The following TP53RK variants were observed in gnomAD, a reference collection of about 807,000 sequenced individuals.
The protein encoded by TP53RK is TP53 regulating kinase, also known as EKC/KEOPS complex subunit TP53RK.
A neutral mutation model predicts 14.9 loss-of-function variants in TP53RK; 17 were observed. The ratio of observed to expected loss-of-function variants is 1.14; its 90% confidence interval spans 0.78 to 1.71. The LOEUF (loss-of-function observed/expected upper bound fraction) is 1.71. Among genes scored for constraint, TP53RK ranks in the 40% most tolerant of loss-of-function variants. The pLI is 0.00. For synonymous variants in TP53RK, 131 were observed against 138.0 expected (o/e 0.95, Z 0.36); for missense variants, 343 against 332.0 (o/e 1.03, Z -0.26).
In TP53RK at chr20:46,689,221, T is replaced by A. The variant is rs748123388; in HGVS notation, c.194A>T (p.Lys65Met). The A allele has an allele frequency of 2.6e-6, 4 of 1,528,908 alleles. No homozygotes were observed. In the East Asian group the frequency reaches 9.9e-5, roughly 38 times the overall value. 94.7% of individuals were successfully genotyped at this position (1,528,908 alleles called of 1,614,324 possible). Residue 65 changes from lysine to methionine, a missense_variant, in exon 1 of 2, where the codon AAG becomes ATG. Lys to Met is a moderately conservative substitution (Grantham distance 95, BLOSUM62 -1). Transcript: ENST00000372114. Reference protein sequence around the residue: ...RAAVIKHRFPKGYRHPALEAR... With the variant: ...RAAVIKHRFPMGYRHPALEAR... ...CTCCAGCGCCGGGTGCCGGTAGCCC[T>A]TGGGGAAGCGGTGCTTGATCACCGC...
In TP53RK at chr20:46,687,096, G is replaced by A. The variant is rs769092427; in HGVS notation, c.419C>T (p.Ser140Phe). 6.2e-7 allele frequency: 1 copy of A among 1,614,170 alleles called. No individual in the cohort carries two copies. The highest frequency in any genetic ancestry group is 1.7e-5 in the Admixed American group (1 of 60,026). The change falls in exon 2 of 2, where the codon TCC becomes TTC. Residue 140 changes from serine (S) to phenylalanine (F), a missense_variant. Ser to Phe is a radical substitution (Grantham distance 155). Transcript: ENST00000372114. ...METEKTPQGLSNLAKTIGQVL... is the reference protein window; with the variant it reads ...METEKTPQGLFNLAKTIGQVL... ...CTGCCCAATTGTCTTGGCTAAGTTG[G>A]AGAGACCCTGGGGAGTTTTTTCAGT...
At position 46,685,763 on chromosome 20, in the gene TP53RK, T is replaced by C. The variant is rs1289763601; in HGVS notation, c.*990A>G. On this transcript the variant is annotated 3_prime_UTR_variant, in exon 2 of 2. Coordinates refer to ENST00000372114, the MANE Select transcript of TP53RK (RefSeq NM_033550.4). Reference sequence around the variant, plus strand: ...AAGGCACTCAAAATATGTTTGTTGATTGGAGTTTACAAGGAAGAAAGGTAT... The same window carrying C: ...AAGGCACTCAAAATATGTTTGTTGACTGGAGTTTACAAGGAAGAAAGGTAT... 6.6e-6 allele frequency: 1 copy of C among 152,236 alleles called. No individual in the cohort carries two copies. The highest frequency in any genetic ancestry group is 1.5e-5 in the Non-Finnish European group (1 of 68,050). The allele number at this position is 152,236 out of a possible 1,614,324, so 9.4% of individuals were successfully genotyped here. A position where few individuals can be genotyped will look rare whatever the true frequency, so the allele number is the denominator to read the frequency against.
intron 1 of TP53RK, among the ~76,000 whole-genome samples, chr20:46,688,055 G>T (rs983477085): frequency 6.6e-6 from 1 of 152,224 alleles, no homozygotes. Context: ...TTTACTGAAA[G>T]TCAACCAGGC....
At position 46,686,562 on chromosome 20, in the gene TP53RK, C is replaced by A. The variant is rs1568971756; in HGVS notation, c.*191G>T. The A allele has an allele frequency of 1.7e-6, 1 of 595,356 alleles. No individual in the cohort carries two copies. The highest frequency in any genetic ancestry group is 3.0e-6 in the Non-Finnish European group (1 of 338,310). The allele number at this position is 595,356 out of a possible 1,614,324, so 36.9% of individuals were successfully genotyped here. The stretch of plus-strand genomic sequence containing the variant: ...CTGTCCTCAATTTACTTTAAATACC[C>A]AATTCTGCCTAGAACATGACTTAGA... On this transcript the variant is annotated 3_prime_UTR_variant, in exon 2 of 2. Transcript: ENST00000372114.
chr20:46,689,382 A>G lies in TP53RK; in HGVS notation c.33T>C (p.Asp11=). The G allele has an allele frequency of 1.3e-6, 2 of 1,571,454 alleles. No homozygotes were observed. Among genetic ancestry groups the G allele is most frequent in the Non-Finnish European group, 1.7e-6 (2 of 1,169,592 alleles). The change falls in exon 1 of 2, where the codon GAT becomes GAC. Residue 11 remains aspartate, a synonymous_variant. Transcript: ENST00000372114. MAAARATTPA[D]GEEPAPEAEA... ...CAGCCTCCGGGGCGGGCTCCTCGCC[A>G]TCGGCCGGCGTAGTAGCTCTGGCCG...
Position 46,684,641 on chromosome 20 carries a change from G to A in TP53RK, c.*2112C>T, listed in dbSNP as rs1349540804. The A allele has an allele frequency of 6.6e-6, 1 of 152,166 alleles. No individual in the cohort carries two copies. The highest frequency in any genetic ancestry group is 1.5e-5 in the Non-Finnish European group (1 of 68,046). 9.4% of individuals were successfully genotyped at this position (152,166 alleles called of 1,614,324 possible). ...CGTGGGGATTACGGGAACAATTCAA[G>A]ATGAGATTTGGATGGGGACACAGCC... On this transcript the variant is annotated 3_prime_UTR_variant, in exon 2 of 2. Transcript: ENST00000372114.
chr20:46,685,326 T>G lies in TP53RK; in HGVS notation c.*1427A>C, dbSNP rs957493903. 3.3e-5 allele frequency: 5 copies of G among 152,218 alleles called. No homozygotes were observed. Among genetic ancestry groups the G allele is most frequent in the African/African-American group, 1.2e-4 (5 of 41,458 alleles). 9.4% of individuals were successfully genotyped at this position (152,218 alleles called of 1,614,324 possible). On this transcript the variant is annotated 3_prime_UTR_variant, in exon 2 of 2. Transcript: ENST00000372114. ...AAGCTGGCAATAACAAAAGAAAAAT[T>G]GGAACATTTACAAATGTGTGGAAAT...
At chr20:46,687,924 T>C (rs1034862262) in intron 1 of TP53RK, among the ~76,000 whole-genome samples, 1 of 152,216 alleles carries the variant, frequency 6.6e-6, no homozygotes, top group Non-Finnish European at 1.5e-5. Context: ...AGGACAGGGT[T>C]CAAATCCCAG....
In TP53RK at chr20:46,689,289, A is replaced by G. The variant is rs1414373317; in HGVS notation, c.126T>C (p.Gly42=). The change falls in exon 1 of 2, where the codon GGT becomes GGC. Residue 42 remains glycine (G), a synonymous_variant. Coordinates refer to ENST00000372114, the MANE Select transcript of TP53RK (RefSeq NM_033550.4). ...FLSGLELVKQ[G]AEARVFRGRF... is the part of the protein sequence containing the mutation. The stretch of plus-strand genomic sequence containing the variant: ...GGCCACGGAACACGCGCGCCTCGGC[A>G]CCCTGCTTCACCAGCTCCAGGCCGC... The G allele has an allele frequency of 1.9e-6, 3 of 1,544,090 alleles. No individual in the cohort carries two copies. The South Asian group carries it at 3.5e-5, about 18-fold the overall frequency.
chr20:46,689,281 G>A lies in TP53RK; in HGVS notation c.134C>T (p.Ala45Val), dbSNP rs927085371. 4 of 1,540,944 alleles carry A rather than the reference G, an allele frequency of 2.6e-6. No homozygotes were observed. The highest frequency in any genetic ancestry group is 3.8e-5 in the Admixed American group (2 of 52,068). Residue 45 changes from alanine (A) to valine (V), a missense_variant, in exon 1 of 2, where the codon GCG (alanine) becomes GTG (valine). Physicochemically the swap from Ala to Val is moderately conservative, Grantham distance 64. Coordinates refer to ENST00000372114, the MANE Select transcript of TP53RK (RefSeq NM_033550.4). ...GLELVKQGAE[A>V]RVFRGRFQGR... Reference sequence around the variant, plus strand: ...CTGGAAGCGGCCACGGAACACGCGCGCCTCGGCACCCTGCTTCACCAGCTC... The same window carrying A: ...CTGGAAGCGGCCACGGAACACGCGCACCTCGGCACCCTGCTTCACCAGCTC...
Position 46,686,914 on chromosome 20 carries a change from A to G in TP53RK, c.601T>C (p.Tyr201His), listed in dbSNP as rs888692560. ...CTGAGGAAGGCCTTCTCCAGGACATAGAGGTCTACTCCCTTATCCTCTGGA... is the reference window on the plus strand; with the variant it reads ...CTGAGGAAGGCCTTCTCCAGGACATGGAGGTCTACTCCCTTATCCTCTGGA... ...ALPEDKGVDL[Y>H]VLEKAFLSTH... is the part of the protein sequence containing the mutation. Residue 201 changes from tyrosine to histidine, a missense_variant, in exon 2 of 2, where the codon TAT (tyrosine) becomes CAT (histidine). Physicochemically the swap from Tyr to His is moderately conservative, Grantham distance 83 (BLOSUM62 2). Coordinates refer to ENST00000372114, the MANE Select transcript of TP53RK (RefSeq NM_033550.4). 3 of 1,614,086 alleles carry G rather than the reference A, an allele frequency of 1.9e-6. No homozygotes were observed. The highest frequency in any genetic ancestry group is 2.5e-6 in the Non-Finnish European group (3 of 1,180,036).
chr20:46,687,713 T>C (rs2063187255), intron 1 of TP53RK, among the ~76,000 whole-genome samples: 1 of 152,150 alleles, frequency 6.6e-6, no homozygotes, highest in South Asian at 2.1e-4. Context: ...GGAGAATAGC[T>C]TGAACTCAGG....
Position 46,687,044 on chromosome 20 carries a change from G to A in TP53RK, c.471C>T (p.Asp157=). The A allele has an allele frequency of 1.2e-6, 2 of 1,614,184 alleles. No homozygotes were observed. Among genetic ancestry groups the A allele is most frequent in the South Asian group, 1.1e-5 (1 of 91,080 alleles). ...AGGTGGTGAGATCACCATGAATGAGGTCTTCATCGTGCATTCGAGCCAAAA... is the reference window on the plus strand; with the variant it reads ...AGGTGGTGAGATCACCATGAATGAGATCTTCATCGTGCATTCGAGCCAAAA... ...GQVLARMHDE[D]LIHGDLTTSN... The change falls in exon 2 of 2, where the codon GAC becomes GAT. Residue 157 remains aspartate (D), a synonymous_variant. Coordinates refer to ENST00000372114, the MANE Select transcript of TP53RK (RefSeq NM_033550.4).
Position 46,686,852 on chromosome 20 carries a change from A to G in TP53RK, c.663T>C (p.Phe221=). ...HPNTETVFEA[F]LKSYSTSSKK... is the part of the protein sequence containing the mutation. ...TGGAGGAGGTGGAGTAGCTCTTCAG[A>G]AAGGCTTCAAACACAGTTTCAGTGT... The change falls in exon 2 of 2, where the codon TTT becomes TTC. Residue 221 remains phenylalanine (F), a synonymous_variant. Transcript: ENST00000372114. 2 of 1,614,146 alleles carry G rather than the reference A, an allele frequency of 1.2e-6. No homozygotes were observed. The highest frequency in any genetic ancestry group is 1.1e-5 in the South Asian group (1 of 91,084).
rs542718885 is a variant in TP53RK at position 46,689,373 on chromosome 20, C to T, written c.42G>A (p.Glu14=). 9.5e-6 allele frequency: 15 copies of T among 1,576,964 alleles called. No homozygotes were observed. The highest frequency in any genetic ancestry group is 1.7e-4 in the Middle Eastern group (1 of 5,966). ...CCAGAGCCTCAGCCTCCGGGGCGGG[C>T]TCCTCGCCATCGGCCGGCGTAGTAG... ...ARATTPADGE[E]PAPEAEALAA... Residue 14 remains glutamate, a synonymous_variant, in exon 1 of 2, where the codon GAG becomes GAA. Transcript: ENST00000372114.
At position 46,687,026 on chromosome 20, in the gene TP53RK, G is replaced by A; in HGVS notation, c.489C>T (p.Leu163=). 6.2e-7 allele frequency: 1 copy of A among 1,614,190 alleles called. No homozygotes were observed. Among genetic ancestry groups the A allele is most frequent in the Non-Finnish European group, 8.5e-7 (1 of 1,180,036 alleles). ...MHDEDLIHGD[L]TTSNMLLKPP... The stretch of plus-strand genomic sequence containing the variant: ...GTTTCAGGAGCATGTTGGAGGTGGT[G>A]AGATCACCATGAATGAGGTCTTCAT... Residue 163 remains leucine, a synonymous_variant, in exon 2 of 2, where the codon CTC becomes CTT. Coordinates refer to ENST00000372114, the MANE Select transcript of TP53RK (RefSeq NM_033550.4).
At chr20:46,688,434 G>A (rs2063190632) in intron 1 of TP53RK, among the ~76,000 whole-genome samples, 3 of 152,270 alleles carry the variant, frequency 2.0e-5, no homozygotes, top group Admixed American at 6.5e-5. Context: ...CCTTGGGCAA[G>A]TTACTTCTCT....
chr20:46,686,580 G>T lies in TP53RK; in HGVS notation c.*173C>A. 1 of 642,168 alleles carries T rather than the reference G, an allele frequency of 1.6e-6. No homozygotes were observed. The highest frequency in any genetic ancestry group is 2.7e-6 in the Non-Finnish European group (1 of 369,782). The allele number at this position is 642,168 out of a possible 1,614,324, so 39.8% of individuals were successfully genotyped here. On this transcript the variant is annotated 3_prime_UTR_variant, in exon 2 of 2. Transcript: ENST00000372114. Reference sequence around the variant, plus strand: ...AAATACCCAATTCTGCCTAGAACATGACTTAGACACATAGTAAGCTCTTGA... The same window carrying T: ...AAATACCCAATTCTGCCTAGAACATTACTTAGACACATAGTAAGCTCTTGA...
At chr20:46,688,021 T>C (rs920564022) in intron 1 of TP53RK, among the ~76,000 whole-genome samples, 2 of 152,190 alleles carry the variant, frequency 1.3e-5, no homozygotes, top group African/African-American at 4.8e-5. Flanking sequence ...CAAGGAACAA[T>C]AGCTCCAATA....
Sources: allele counts gnomAD v4.1 joint callset (sites outside exome capture counted in the v4.1 genomes callset), GRCh38; gene constraint gnomAD v4.1.1; transcripts MANE v1.5; gene names NCBI Gene and HGNC (gene_info 2026-07-23, HGNC 2026-07-21).